SRI: variants seen among roughly 807,000 people sequenced by gnomAD.
SRI encodes the protein sorcin, also known as 22 kDa protein.
Under a neutral mutation model 33.3 loss-of-function variants are expected in SRI, and 30 were observed. That is an observed-to-expected ratio of 0.90 (90% CI 0.67 to 1.22). SRI has a LOEUF of 1.22. SRI is among the 50% of genes most tolerant of loss of function. The probability of loss-of-function intolerance (pLI) is 0.00; values close to 1 mark genes in which losing one functional copy is unlikely to be tolerated. For missense variants in SRI, 243 were observed against 250.8 expected, an observed-to-expected ratio of 0.97 and a Z score of 0.21; for synonymous variants, 75 against 89.9, an observed-to-expected ratio of 0.83 and a Z score of 0.94.
chr7:88,210,977 A>C, intron 3 of SRI, 52 bp from the exon 4 acceptor site: 1 of 1,308,266 alleles, frequency 7.6e-7, no homozygotes, highest in Non-Finnish European at 1.1e-6. Context: ...AAAAATTCAC[A>C]TTACACTGGA....
intron 1 of SRI, among the ~76,000 whole-genome samples, chr7:88,226,640 C>T (rs974359176): frequency 1.3e-5 from 2 of 152,146 alleles, no homozygotes; most frequent in Admixed American, 6.5e-5. Context: ...ATATATAAGT[C>T]AGCTACATGT....
chr7:88,221,746 G>A (rs1851892509), upstream of SRI, among the ~76,000 whole-genome samples: 2 of 151,690 alleles, frequency 1.3e-5, no homozygotes, highest in Non-Finnish European at 2.9e-5. Flanking sequence ...GTGCAGGTTG[G>A]TTACATATGT....
intron 3 of SRI, chr7:88,214,682 ATATAAT>A (rs1242674279): frequency 8.5e-5 from 19 of 222,648 alleles, no homozygotes; most frequent in African/African-American, 3.1e-4. Flanking sequence ...ATGTAACTAC[ATATAAT>A]TATAACTATA....
chr7:88,219,979 G>T lies in SRI; in HGVS notation c.48C>A (p.Gly16=). ...HPGAGGGYYP[G]GYGGAPGGPA... The stretch of plus-strand genomic sequence containing the variant: ...ATCCCGCGCAGTCAGCACTTACCCC[G>T]CCTGGGTAGTACCCGCCGCCGGCGC... Residue 16 remains glycine, a synonymous_variant, in exon 1 of 8, where the codon GGC becomes GGA. Transcript: ENST00000265729. 1.3e-6 allele frequency: 2 copies of T among 1,540,150 alleles called. No homozygotes were observed.
intron 3 of SRI, chr7:88,216,698 AC>A (rs909343905): frequency 5.6e-6 from 1 of 179,378 alleles, no homozygotes; most frequent in African/African-American, 2.4e-5. Flanking sequence ...GGCCACCCAA[AC>A]TGTCTCACTG....
At chr7:88,209,601 C>T in intron 5 of SRI, 149 bp from the exon 6 acceptor site, 1 of 672,218 alleles carries the variant, frequency 1.5e-6, no homozygotes, top group Non-Finnish European at 2.6e-6. Flanking sequence ...AAACTGCCTT[C>T]AGGTAGCAAT....
chr7:88,220,115 C>G (rs1449770315), upstream of SRI: 2 of 1,384,298 alleles, frequency 1.4e-6, no homozygotes, highest in African/African-American at 1.5e-5. Context: ...GGGGGCCGCC[C>G]CAGAGCGCAC....
chr7:88,210,779 G>T (rs1851556942), intron 4 of SRI, 103 bp downstream of exon 4: 1 of 1,128,888 alleles, frequency 8.9e-7, no homozygotes, highest in Admixed American at 2.1e-5. Context: ...AAGCTTTTTA[G>T]TGATCATTTA....
chr7:88,212,131 A>C (rs963595160), intron 3 of SRI, among the ~76,000 whole-genome samples: 8 of 152,220 alleles, frequency 5.3e-5, no homozygotes, highest in African/African-American at 1.9e-4. Flanking sequence ...ATTTTTTCTC[A>C]AACCAAACTG....
chr7:88,210,124 T>C lies in SRI; in HGVS notation c.256A>G (p.Met86Val). The C allele has an allele frequency of 6.2e-7, 1 of 1,614,106 alleles. No individual in the cohort carries two copies. The highest frequency in any genetic ancestry group is 8.5e-7 in the Non-Finnish European group (1 of 1,179,978). Residue 86 changes from methionine (M) to valine (V), a missense_variant, in exon 5 of 8, where the codon ATG becomes GTG. Physicochemically the swap from Met to Val is conservative, Grantham distance 21 (BLOSUM62 1). Transcript: ENST00000265729. ...RLMVSMLDRD[M>V]SGTMGFNEFK... ...TCATTGAAACCCATTGTGCCAGACA[T>C]ATCTCTCTGAACTGTAATCAAGGAT...
intron 6 of SRI, 175 bp from the exon 7 acceptor site, chr7:88,208,740 T>C: frequency 1.1e-6 from 1 of 937,404 alleles, no homozygotes; most frequent in South Asian, 1.8e-5. Flanking sequence ...GTAAAAGATT[T>C]AATATGCAAC....
upstream of SRI, among the ~76,000 whole-genome samples, chr7:88,222,673 C>G (rs1354167568): frequency 6.6e-6 from 1 of 152,110 alleles, no homozygotes; most frequent in South Asian, 2.1e-4. Context: ...TGGAACAGAA[C>G]AAAGCCCTCA....
At chr7:88,224,888 G>A (rs1851962516), upstream of SRI, among the ~76,000 whole-genome samples, 1 of 152,080 alleles carries the variant, frequency 6.6e-6, no homozygotes, top group South Asian at 2.1e-4. Flanking sequence ...AATCACATAT[G>A]GCTATTGAGC....
chr7:88,208,224 T>C (rs1851480454), intron 7 of SRI: 1 of 474,508 alleles, frequency 2.1e-6, no homozygotes, highest in African/African-American at 2.0e-5. Flanking sequence ...ATTCATATAG[T>C]GTCACAGCAA....
upstream of SRI, among the ~76,000 whole-genome samples, chr7:88,223,549 C>G (rs935397327): frequency 2.0e-5 from 3 of 152,208 alleles, no homozygotes; most frequent in African/African-American, 7.2e-5. Context: ...CCACTCAACT[C>G]TGCTGTGTAG....
intron 6 of SRI, chr7:88,208,963 T>A (rs1563471461): frequency 1.1e-5 from 3 of 267,060 alleles, no homozygotes; most frequent in Non-Finnish European, 1.4e-5. Flanking sequence ...TGGGCTGTAA[T>A]CAGTTTCTCT....
At chr7:88,225,866 T>C (rs979577910) in intron 1 of SRI, among the ~76,000 whole-genome samples, 3 of 152,228 alleles carry the variant, frequency 2.0e-5, no homozygotes, top group Admixed American at 2.0e-4. Flanking sequence ...GAGTTCATTT[T>C]AGTGCAGATA....
Position 88,218,921 on chromosome 7 carries a change from G to A in SRI, c.73C>T (p.Pro25Ser). The A allele has an allele frequency of 6.2e-7, 1 of 1,614,040 alleles. No homozygotes were observed. Among genetic ancestry groups the A allele is most frequent in the Non-Finnish European group, 8.5e-7 (1 of 1,179,958 alleles). ...PGGYGGAPGG[P>S]AFPGQTQDPL... ...TCCTGAGTTTGTCCGGGAAACGCAG[G>A]CCCTCCGGGAGCCCCTCCATACTGT... Residue 25 changes from proline (P) to serine (S), a missense_variant, in exon 2 of 8, where the codon CCT becomes TCT. Coordinates refer to ENST00000265729, the MANE Select transcript of SRI (RefSeq NM_003130.4).
In SRI at chr7:88,208,644, T is replaced by C. The variant is rs1851492863; in HGVS notation, c.512-79A>G. On this transcript the variant is annotated intron_variant, in intron 6 of 7. Transcript: ENST00000265729. ...ATCATAAAAGTTAGTTATTTTGGCATTGAATTCACATTGCAGTAACATTTA... is the reference window on the plus strand; with the variant it reads ...ATCATAAAAGTTAGTTATTTTGGCACTGAATTCACATTGCAGTAACATTTA... 12 of 1,570,842 alleles carry C rather than the reference T, an allele frequency of 7.6e-6. No homozygotes were observed. In the South Asian group the frequency reaches 9.2e-5, roughly 12 times the overall value.
Sources: gnomAD v4.1 joint callset for allele counts (sites outside exome capture counted in the v4.1 genomes callset) on GRCh38, gnomAD v4.1.1 for gene constraint, MANE v1.5 for transcripts, NCBI Gene and HGNC (gene_info 2026-07-23, HGNC 2026-07-21) for gene names.